UNC13D: variants seen among roughly 807,000 people sequenced by gnomAD.
UNC13D encodes the protein protein unc-13 homolog D.
Under a neutral mutation model 151.7 loss-of-function variants are expected in UNC13D, and 115 were observed. That is an observed-to-expected ratio of 0.76 (90% CI 0.65 to 0.88). The LOEUF (loss-of-function observed/expected upper bound fraction) is 0.88. Among genes scored for constraint, UNC13D ranks in the 40% least tolerant of loss-of-function variants. The probability of loss-of-function intolerance (pLI) is 0.00; values close to 1 mark genes in which losing one functional copy is unlikely to be tolerated. For missense variants in UNC13D, 1,369 were observed against 1,438.7 expected, an observed-to-expected ratio of 0.95 and a Z score of 0.78; for synonymous variants, 588 against 612.2, an observed-to-expected ratio of 0.96 and a Z score of 0.58.
rs564875531 is a variant in UNC13D at position 75,828,965 on chromosome 17, C to T, written c.2973G>A (p.Pro991=). ...GGAGGCATGCCCCAGCCTTGCGGCA[C>T]GGCTCAGCAGGCACCAGGCTGCGGG... ...ETFEFLVPAE[P]CRKAGACLLL... The change falls in exon 31 of 32, where the codon CCG becomes CCA. Residue 991 remains proline (P), a synonymous_variant. Transcript: ENST00000207549. 5.9e-5 allele frequency: 94 copies of T among 1,604,304 alleles called. No individual in the cohort carries two copies. Among genetic ancestry groups the T allele is most frequent in the African/African-American group, 1.2e-4 (9 of 75,040 alleles).
chr17:75,841,056 G>A (rs1161668368), intron 6 of UNC13D, 55 bp from the exon 7 acceptor site: 93 of 1,603,728 alleles, frequency 5.8e-5, no homozygotes, highest in South Asian at 2.6e-4. Flanking sequence ...GCCCCCAGAC[G>A]AAGCAGTAAG....
chr17:75,836,504 C>T, intron 14 of UNC13D, 68 bp downstream of exon 14: 1 of 1,612,684 alleles, frequency 6.2e-7, no homozygotes, highest in Non-Finnish European at 8.5e-7. Flanking sequence ...AATTCTCCCA[C>T]TCCTGCAGGC....
chr17:75,843,621 G>T (rs772857303), intron 1 of UNC13D, 102 bp from the exon 2 acceptor site: 19 of 1,546,512 alleles, frequency 1.2e-5, no homozygotes, highest in Non-Finnish European at 1.7e-5. Flanking sequence ...AGGGTATGGG[G>T]GCCCCAGCAC....
rs116229331 is a variant in UNC13D, at chr17:75,840,504, C to T, written c.753+3G>A. ...CCTGGGCCCCTTTCCTCATCCTCCT[C>T]ACCTGCAGCCTCAGAACCACGTTCC... On this transcript the variant is annotated splice_donor_region_variant and intron_variant, in intron 9 of 31. Coordinates refer to ENST00000207549, the MANE Select transcript of UNC13D (RefSeq NM_199242.3). This position sits in a 1 kb window ranked among gnomAD's most constrained non-coding sequence, Gnocchi z 4.6. 1.6e-3 allele frequency: 2,591 copies of T among 1,614,062 alleles called. 18 individuals carry two copies. In the African/African-American group the frequency reaches 0.017, roughly 11 times the overall value.
chr17:75,843,367 T>A (rs2064963338), intron 2 of UNC13D, 101 bp from the exon 3 acceptor site: 3 of 1,568,596 alleles, frequency 1.9e-6, no homozygotes, highest in Admixed American at 3.7e-5. Flanking sequence ...GCGGAGGGAG[T>A]TGAGACCCAG....
rs761927520 is a variant in UNC13D at position 75,832,285 on chromosome 17, C to G, written c.2447+681G>C. On this transcript the variant is annotated intron_variant, in intron 25 of 31. Transcript: ENST00000207549. The surrounding 1 kb of genome is among the most constrained non-coding windows in gnomAD (Gnocchi z 4.3). ...GCGCTGTCATCATCATCGTCACTAC[C>G]GCTAATAGTCACTGACCACTTCCTT... 1.3e-5 allele frequency: 2 copies of G among 152,474 alleles called. No homozygotes were observed. The highest frequency in any genetic ancestry group is 3.9e-4 in the East Asian group (2 of 5,186). The allele number at this position is 152,474 out of a possible 1,614,324, so 9.4% of individuals were successfully genotyped here.
At chr17:75,835,383 G>GC in intron 20 of UNC13D, 26 bp downstream of exon 20, 1 of 1,606,134 alleles carries the variant, frequency 6.2e-7, no homozygotes, top group East Asian at 2.2e-5. Flanking sequence ...CCGGGGCCCC[G>GC]CCCCCTGCCC....
At position 75,843,464 on chromosome 17, in the gene UNC13D, C is replaced by T; in HGVS notation, c.153+20G>A. ...AGCCGCCCTCCCCACCTCTCTGCAC[C>T]CCAGCACTCTGACTCTTACCTGCTC... is the stretch of plus-strand genomic sequence containing the variant. On this transcript the variant is annotated intron_variant, in intron 2 of 31. Coordinates refer to ENST00000207549, the MANE Select transcript of UNC13D (RefSeq NM_199242.3). The T allele has an allele frequency of 6.2e-7, 1 of 1,602,638 alleles. No individual in the cohort carries two copies. The highest frequency in any genetic ancestry group is 1.1e-5 in the South Asian group (1 of 89,154).
chr17:75,840,341 GGAT>G lies in UNC13D; in HGVS notation c.754-15_754-13del. On this transcript the variant is annotated splice_polypyrimidine_tract_variant and intron_variant, in intron 9 of 31. Transcript: ENST00000207549. The surrounding 1 kb of genome is among the most constrained non-coding windows in gnomAD (Gnocchi z 4.6). The stretch of plus-strand genomic sequence containing the variant: ...CGGCAGCGCAGGTCCTGACAGGCGG[GGAT>G]GCCCAGCCCGTGAGCGTCAGAACCT... The G allele has an allele frequency of 6.2e-7, 1 of 1,613,046 alleles. No individual in the cohort carries two copies. The highest frequency in any genetic ancestry group is 8.5e-7 in the Non-Finnish European group (1 of 1,179,746).
chr17:75,839,903 C>T lies in UNC13D; in HGVS notation c.991G>A (p.Ala331Thr), dbSNP rs2064935222. Residue 331 changes from alanine (A) to threonine (T), a missense_variant, in exon 12 of 32, where the codon GCT becomes ACT. Transcript: ENST00000207549. Reference protein sequence around the residue: ...TSWDGSLSPQAATVLFLHATQ... With the variant: ...TSWDGSLSPQTATVLFLHATQ... ...GCGTGCAGAAAGAGGACGGTGGCAG[C>T]CTGGGGACTCAGCGACCCGTCCCAG... is the stretch of plus-strand genomic sequence containing the variant. 5 of 1,613,744 alleles carry T rather than the reference C, an allele frequency of 3.1e-6. No homozygotes were observed. The highest frequency in any genetic ancestry group is 4.2e-6 in the Non-Finnish European group (5 of 1,180,012).
In UNC13D at chr17:75,836,828, C is replaced by A; in HGVS notation, c.1146G>T (p.Trp382Cys). 2.5e-6 allele frequency: 4 copies of A among 1,614,000 alleles called. No individual in the cohort carries two copies. Among genetic ancestry groups the A allele is most frequent in the Non-Finnish European group, 3.4e-6 (4 of 1,180,042 alleles). Residue 382 changes from tryptophan (W) to cysteine (C), a missense_variant, in exon 13 of 32, where the codon TGG (tryptophan) becomes TGT (cysteine). By Grantham distance (215) the Trp-to-Cys change is radical. Transcript: ENST00000207549. ...GTTCTGCCTTGAGCCGACCCTGGAT[C>A]CACTGGTACTCGATGCTGGTGATGG... is the stretch of plus-strand genomic sequence containing the variant. ...LHPITSIEYQWIQGRLKAEQQ... is the reference protein window; with the variant it reads ...LHPITSIEYQCIQGRLKAEQQ...
intron 31 of UNC13D, 114 bp downstream of exon 31, chr17:75,828,673 G>T: frequency 8.2e-7 from 1 of 1,220,736 alleles, no homozygotes; most frequent in Non-Finnish European, 1.1e-6. Flanking sequence ...CTGTCCCACT[G>T]GCTCCCGTCT....
chr17:75,843,921 C>T lies in UNC13D; in HGVS notation c.117+300G>A. 2.9e-6 allele frequency: 4 copies of T among 1,381,162 alleles called. No individual in the cohort carries two copies. The South Asian group carries it at 4.7e-5, about 16-fold the overall frequency. The allele number at this position is 1,381,162 out of a possible 1,614,324, so 85.6% of individuals were successfully genotyped here. A position where few individuals can be genotyped will look rare whatever the true frequency, so the allele number is the denominator to read the frequency against. On this transcript the variant is annotated intron_variant, in intron 1 of 31. Coordinates refer to ENST00000207549, the MANE Select transcript of UNC13D (RefSeq NM_199242.3). ...AGCTCACCCCACAGCAGGGACACCC[C>T]CACCTAATGGAGTCGGCTCTTCTGA... is the stretch of plus-strand genomic sequence containing the variant.
chr17:75,833,100 C>T lies in UNC13D; in HGVS notation c.2368-55G>A. The T allele has an allele frequency of 6.6e-7, 1 of 1,526,020 alleles. No homozygotes were observed. Among genetic ancestry groups the T allele is most frequent in the Non-Finnish European group, 8.9e-7 (1 of 1,122,652 alleles). 94.5% of individuals were successfully genotyped at this position (1,526,020 alleles called of 1,614,324 possible). A position where few individuals can be genotyped will look rare whatever the true frequency, so the allele number is the denominator to read the frequency against. On this transcript the variant is annotated intron_variant, in intron 24 of 31. Coordinates refer to ENST00000207549, the MANE Select transcript of UNC13D (RefSeq NM_199242.3). The surrounding 1 kb of genome is among the most constrained non-coding windows in gnomAD (Gnocchi z 4.0). ...CTCCGGCCCATGTTGGCCCCACCCC[C>T]ATCCCCTTCCCCTGACCTGGAGGGA...
rs549855417 is a variant in UNC13D at position 75,844,163 on chromosome 17, T to C, written c.117+58A>G. On this transcript the variant is annotated intron_variant, in intron 1 of 31. Coordinates refer to ENST00000207549, the MANE Select transcript of UNC13D (RefSeq NM_199242.3). The stretch of plus-strand genomic sequence containing the variant: ...GTGGGGCCAGACAGCAGGGCACCCG[T>C]ACCCGAGACCACAGTGCTCCCCAAG... The C allele has an allele frequency of 5.0e-6, 8 of 1,592,980 alleles. No homozygotes were observed. In the African/African-American group the frequency reaches 6.7e-5, roughly 13 times the overall value.
At position 75,831,238 on chromosome 17, in the gene UNC13D, G is replaced by C. The variant is rs201930023; in HGVS notation, c.2553+5C>G. 506 of 1,614,130 alleles carry C rather than the reference G, an allele frequency of 3.1e-4. 6 individuals carry two copies. The East Asian group carries it at 6.9e-3, about 22-fold the overall frequency. On this transcript the variant is annotated splice_donor_5th_base_variant and intron_variant, in intron 26 of 31. Transcript: ENST00000207549. ...GGTTATCATTGCTGTGACCGGTTCT[G>C]TTACCTGCAGGGCAATCTTCAGCCT...
chr17:75,844,082 C>G, intron 1 of UNC13D, 139 bp downstream of exon 1: 2 of 1,499,744 alleles, frequency 1.3e-6, no homozygotes, highest in Non-Finnish European at 9.0e-7. Flanking sequence ...GGGGGCTCTC[C>G]CCAGGGTGGA....
rs2143899575 is a variant in UNC13D, at chr17:75,842,740, G to A, written c.388+117C>T. The A allele has an allele frequency of 2.5e-6, 4 of 1,587,028 alleles. No homozygotes were observed. In the East Asian group the frequency reaches 6.7e-5, roughly 27 times the overall value. The stretch of plus-strand genomic sequence containing the variant: ...GGGAAGGGGACCAGCAGCATGGGGG[G>A]CCAGCGCTACAGGGCTTCTTGGAAG... On this transcript the variant is annotated intron_variant, in intron 5 of 31. Coordinates refer to ENST00000207549, the MANE Select transcript of UNC13D (RefSeq NM_199242.3).
intron 29 of UNC13D, 80 bp downstream of exon 29, chr17:75,830,282 T>C: frequency 6.4e-7 from 1 of 1,564,366 alleles, no homozygotes; most frequent in Non-Finnish European, 8.7e-7. Context: ...TCCTGCAGGG[T>C]GAGCGAAGCC....
Sources: allele counts gnomAD v4.1 joint callset, GRCh38; gene constraint gnomAD v4.1.1; non-coding constraint Gnocchi (gnomAD v3.1); transcripts MANE v1.5; gene names NCBI Gene and HGNC (gene_info 2026-07-23, HGNC 2026-07-21).